The following SLC38A6 variants were observed in gnomAD, a reference collection of about 807,000 sequenced individuals.
The protein encoded by SLC38A6 is N system amino acid transporter NAT-1.
Under a neutral mutation model 65.0 loss-of-function variants are expected in SLC38A6, and 73 were observed. That is an observed-to-expected ratio of 1.12 (90% confidence interval 0.93 to 1.37). The LOEUF (loss-of-function observed/expected upper bound fraction) is 1.37. SLC38A6 is among the 40% of genes most tolerant of loss of function. The pLI is 0.00. For missense variants in SLC38A6, 561 were observed against 531.1 expected, an observed-to-expected ratio of 1.06 and a Z score of -0.55; for synonymous variants, 183 against 178.8, an observed-to-expected ratio of 1.02 and a Z score of -0.19.
chr14:60,981,588 G>C, intron 1 of SLC38A6: 2 of 1,510,386 alleles, frequency 1.3e-6, no homozygotes, highest in Non-Finnish European at 1.8e-6. Flanking sequence ...GCATACTCTA[G>C]AAAGAAAAGA....
At chr14:61,051,091 AAG>A (rs1461996512) in intron 13 of SLC38A6, among the ~76,000 whole-genome samples, 1 of 152,196 alleles carries the variant, frequency 6.6e-6, no homozygotes, top group African/African-American at 2.4e-5. Context: ...ATTGTAATTT[AAG>A]GGGCAAAACA....
chr14:61,048,272 T>A (rs555842873), intron 12 of SLC38A6: 1 of 380,204 alleles, frequency 2.6e-6, no homozygotes, highest in Non-Finnish European at 5.2e-6. Flanking sequence ...CCCAGAGAGG[T>A]GAAGTGACCT....
At chr14:61,004,193 A>G (rs1257856522) in intron 3 of SLC38A6, among the ~76,000 whole-genome samples, 1 of 152,146 alleles carries the variant, frequency 6.6e-6, no homozygotes, top group African/African-American at 2.4e-5. Flanking sequence ...ATCTTTCAGT[A>G]TTATGGTTTT....
chr14:61,050,960 A>C (rs1054572931), intron 13 of SLC38A6, among the ~76,000 whole-genome samples: 1 of 152,158 alleles, frequency 6.6e-6, no homozygotes, highest in African/African-American at 2.4e-5. Context: ...TTTCAAAAAA[A>C]TGTGCATGAA....
At chr14:60,991,151 G>A (rs2139710944) in intron 3 of SLC38A6, among the ~76,000 whole-genome samples, 1 of 152,142 alleles carries the variant, frequency 6.6e-6, no homozygotes, top group South Asian at 2.1e-4. Flanking sequence ...TGTAAGTTAG[G>A]TCATAGCATT....
chr14:61,061,042 A>G (rs576855115), intron 15 of SLC38A6, among the ~76,000 whole-genome samples: 52 of 151,942 alleles, frequency 3.4e-4, no homozygotes, highest in Admixed American at 3.3e-3. Flanking sequence ...AGTGAGAAGA[A>G]CCCGGTACCT....
At chr14:60,995,735 A>G (rs2038243490) in intron 3 of SLC38A6, among the ~76,000 whole-genome samples, 1 of 152,178 alleles carries the variant, frequency 6.6e-6, no homozygotes, top group African/African-American at 2.4e-5. Context: ...TCAAAACATC[A>G]TGTTGTACAC....
intron 15 of SLC38A6, among the ~76,000 whole-genome samples, chr14:61,075,192 A>G (rs1223774022): frequency 6.6e-6 from 1 of 152,176 alleles, no homozygotes; most frequent in Non-Finnish European, 1.5e-5. Flanking sequence ...TTAAGAACAG[A>G]AGCGTTTAAT....
chr14:61,027,988 G>A lies in SLC38A6; in HGVS notation c.404-2457G>A, dbSNP rs74883581. Among the ~76,000 whole-genome samples the A allele has an allele frequency of 4.6e-3, 699 of 151,824 alleles. 19 individuals carry two copies. The East Asian group carries it at 0.089, about 19-fold the overall frequency. On this transcript the variant is annotated intron_variant, in intron 5 of 15. Coordinates refer to ENST00000267488, the MANE Select transcript of SLC38A6 (RefSeq NM_153811.3). ...CTTCTTTGAGAGAGAAACACGTTTGGTGAGTTCATATTTCTTAAAATATAC... is the reference window on the plus strand; with the variant it reads ...CTTCTTTGAGAGAGAAACACGTTTGATGAGTTCATATTTCTTAAAATATAC...
intron 15 of SLC38A6, among the ~76,000 whole-genome samples, chr14:61,074,130 G>A (rs1215572866): frequency 1.3e-5 from 2 of 152,138 alleles, no homozygotes; most frequent in African/African-American, 2.4e-5. Context: ...GTCAAAAATT[G>A]TACACAGATT....
chr14:61,015,869 T>C, intron 3 of SLC38A6, 35 bp from the exon 4 acceptor site: 2 of 1,557,380 alleles, frequency 1.3e-6, no homozygotes, highest in Middle Eastern at 1.7e-4. Context: ...TAAATAGTTT[T>C]GTGTAAAAGT....
chr14:61,081,629 A>G lies in SLC38A6; in HGVS notation c.1409-1926A>G, dbSNP rs993591240. ...GAACCCGGGAGGCAGAGGTTGCAGT[A>G]AGCCAATACCCGCCACTGCACTCCA... On this transcript the variant is annotated intron_variant, in intron 16 of 16. Coordinates refer to the SLC38A6 transcript ENST00000354886. 6.6e-5 allele frequency among the ~76,000 whole-genome samples: 10 copies of G among 152,118 alleles called. No individual in the cohort carries two copies. The East Asian group carries it at 1.5e-3, about 24-fold the overall frequency.
chr14:60,992,841 T>G (rs2038008778), intron 3 of SLC38A6, among the ~76,000 whole-genome samples: 1 of 150,554 alleles, frequency 6.6e-6, no homozygotes, highest in African/African-American at 2.4e-5. Context: ...TATGAGTTCC[T>G]GCCTCCAAAC....
intron 6 of SLC38A6, among the ~76,000 whole-genome samples, chr14:61,031,354 C>G (rs1002228375): frequency 6.6e-6 from 1 of 152,070 alleles, no homozygotes; most frequent in Admixed American, 6.5e-5. Flanking sequence ...TGAACTTGTT[C>G]TGGAATGCAA....
Position 60,981,272 on chromosome 14 carries a change from A to C in SLC38A6, c.-6A>C. 6.3e-7 allele frequency: 1 copy of C among 1,596,954 alleles called. No individual in the cohort carries two copies. Among genetic ancestry groups the C allele is most frequent in the East Asian group, 2.3e-5 (1 of 44,142 alleles). On this transcript the variant is annotated 5_prime_UTR_variant, in exon 1 of 16. Transcript: ENST00000267488. ...AGATGGAACTGGTAGTCAGCTGGAGAGCAGCATGGAGGCGTCCTGGGGGAG... is the reference window on the plus strand; with the variant it reads ...AGATGGAACTGGTAGTCAGCTGGAGCGCAGCATGGAGGCGTCCTGGGGGAG...
chr14:61,026,148 G>T (rs2040599108), intron 5 of SLC38A6, among the ~76,000 whole-genome samples: 1 of 151,768 alleles, frequency 6.6e-6, no homozygotes, highest in African/African-American at 2.4e-5. Flanking sequence ...GGGTTGGTTT[G>T]TTTTTTTTAA....
At position 61,037,126 on chromosome 14, in the gene SLC38A6, C is replaced by T. The variant is rs1158926043; in HGVS notation, c.550C>T (p.Leu184Phe). The T allele has an allele frequency of 3.1e-6, 5 of 1,603,604 alleles. No homozygotes were observed. The highest frequency in any genetic ancestry group is 4.3e-6 in the Non-Finnish European group (5 of 1,174,622). The part of the protein sequence containing the change: ...ICVGIVFPLA[L>F]LPKIGFLGYT... ...TGTTGGCATTGTGTTCCCTCTTGCA[C>T]TTCTTCCCAAAATAGGTAAGTCTTT... Residue 184 changes from leucine (L) to phenylalanine (F), a missense_variant, in exon 7 of 16, where the codon CTT becomes TTT. Physicochemically the swap from Leu to Phe is conservative, Grantham distance 22 (BLOSUM62 0). Coordinates refer to ENST00000267488, the MANE Select transcript of SLC38A6 (RefSeq NM_153811.3).
chr14:61,033,290 GAA>G, intron 6 of SLC38A6, among the ~76,000 whole-genome samples: 1 of 151,842 alleles, frequency 6.6e-6, no homozygotes, highest in East Asian at 1.9e-4. Flanking sequence ...TTAAAATATG[GAA>G]AAAAACATCT....
At chr14:61,027,586 C>T (rs2040677088) in intron 5 of SLC38A6, among the ~76,000 whole-genome samples, 1 of 151,936 alleles carries the variant, frequency 6.6e-6, no homozygotes, top group Non-Finnish European at 1.5e-5. Context: ...TATGAGCATT[C>T]CTATCAATAG....
Sources: gnomAD v4.1 joint callset for allele counts (sites outside exome capture counted in the v4.1 genomes callset) on GRCh38, gnomAD v4.1.1 for gene constraint, MANE v1.5 for transcripts, NCBI Gene and HGNC (gene_info 2026-07-23, HGNC 2026-07-21) for gene names.